The following CNBD1 variants were observed in gnomAD, a reference collection of about 807,000 sequenced individuals.
CNBD1 encodes cyclic nucleotide binding domain containing 1, also known as cyclic nucleotide-binding domain-containing protein 1.
In CNBD1, 71 loss-of-function variants were observed where a neutral mutation model predicts 54.4. The ratio of observed to expected loss-of-function variants is 1.30; its 90% CI spans 1.08 to 1.59. The LOEUF is 1.59. CNBD1 is among the 40% of genes most tolerant of loss of function. CNBD1 has a pLI of 0.00. For synonymous variants in CNBD1, 182 were observed against 170.7 expected (o/e 1.07, Z -0.51); for missense variants, 659 against 518.0 (o/e 1.27, Z -2.64).
intron 6 of CNBD1, among the ~76,000 whole-genome samples, chr8:87,265,190 A>G (rs1393995397): frequency 1.3e-5 from 2 of 152,058 alleles, no homozygotes; most frequent in Non-Finnish European, 2.9e-5. Context: ...AGGTGTAAGG[A>G]AGGGATCCAG....
chr8:87,033,548 TATAG>T (rs1809840850), intron 4 of CNBD1, among the ~76,000 whole-genome samples: 1 of 152,208 alleles, frequency 6.6e-6, no homozygotes, highest in Non-Finnish European at 1.5e-5. Flanking sequence ...TTAGCAGCTT[TATAG>T]ATAAAGGCAG....
At chr8:87,013,216 C>T (rs993699076) in intron 4 of CNBD1, among the ~76,000 whole-genome samples, 2 of 152,156 alleles carry the variant, frequency 1.3e-5, no homozygotes, top group African/African-American at 2.4e-5. Flanking sequence ...GTTAAACGTC[C>T]TTGATTTATT....
chr8:87,017,848 A>G (rs1289711341), intron 4 of CNBD1, among the ~76,000 whole-genome samples: 1 of 152,196 alleles, frequency 6.6e-6, no homozygotes, highest in Non-Finnish European at 1.5e-5. Context: ...TTGTCTGCAT[A>G]AGTTCAATAA....
intron 2 of CNBD1, among the ~76,000 whole-genome samples, chr8:87,414,488 A>G (rs183647147): frequency 0.022 from 3,360 of 152,154 alleles, 51 homozygotes; most frequent in Non-Finnish European, 0.034. Flanking sequence ...AAACCTGCAC[A>G]TTGTGCACAT....
intron 3 of CNBD1, among the ~76,000 whole-genome samples, chr8:86,924,761 A>G (rs529573068): frequency 5.9e-5 from 9 of 152,120 alleles, no homozygotes; most frequent in African/African-American, 9.7e-5. Context: ...GATTATCCCA[A>G]CTCTTTAATT....
chr8:87,364,032 A>G (rs1810582958), intron 10 of CNBD1, among the ~76,000 whole-genome samples: 1 of 151,332 alleles, frequency 6.6e-6, no homozygotes, highest in South Asian at 2.1e-4. Flanking sequence ...TTGCTGGCTC[A>G]AATGTTGTTG....
chr8:87,324,088 T>C (rs1213977111), intron 8 of CNBD1, among the ~76,000 whole-genome samples: 1 of 125,766 alleles, frequency 8.0e-6, no homozygotes, highest in East Asian at 2.0e-4. Context: ...TGGCTCTTTT[T>C]ATATGCTGGA....
At chr8:87,248,264 A>G (rs34574993) in intron 6 of CNBD1, among the ~76,000 whole-genome samples, 5 of 152,284 alleles carry the variant, frequency 3.3e-5, no homozygotes, top group African/African-American at 1.2e-4. Context: ...TATTTCATCA[A>G]TTCATCTGGT....
intron 8 of CNBD1, among the ~76,000 whole-genome samples, chr8:87,335,320 T>A (rs764982352): frequency 1.4e-4 from 22 of 152,194 alleles, no homozygotes; most frequent in Non-Finnish European, 2.8e-4. Context: ...AGTCTCCTAC[T>A]ATTACTGTGT....
chr8:86,982,127 A>G (rs1808501075), intron 4 of CNBD1, among the ~76,000 whole-genome samples: 1 of 152,110 alleles, frequency 6.6e-6, no homozygotes, highest in Non-Finnish European at 1.5e-5. Context: ...TTATTTTACT[A>G]TGGATTTAAT....
downstream of CNBD1, among the ~76,000 whole-genome samples, chr8:87,386,483 C>A (rs1029633745): frequency 1.3e-5 from 2 of 152,062 alleles, no homozygotes; most frequent in East Asian, 1.9e-4. Context: ...GCCTCAGTAG[C>A]CAATTCGATC....
chr8:86,953,607 C>G (rs1807683222), intron 4 of CNBD1, among the ~76,000 whole-genome samples: 1 of 152,180 alleles, frequency 6.6e-6, no homozygotes, highest in African/African-American at 2.4e-5. Flanking sequence ...TGGCTCATGC[C>G]TGTAATCCCA....
chr8:87,086,719 G>GA (rs1288128188), intron 4 of CNBD1, among the ~76,000 whole-genome samples: 2 of 151,904 alleles, frequency 1.3e-5, no homozygotes, highest in East Asian at 3.9e-4. Flanking sequence ...ATTATTTACT[G>GA]AAAATACAAA....
chr8:87,373,682 C>T (rs1343858350), intron 10 of CNBD1, among the ~76,000 whole-genome samples: 2 of 151,614 alleles, frequency 1.3e-5, no homozygotes, highest in Non-Finnish European at 2.9e-5. Context: ...TAGGAATTGC[C>T]AATTCAGGCC....
chr8:87,360,575 A>G (rs1348670298), intron 10 of CNBD1, among the ~76,000 whole-genome samples: 2 of 151,924 alleles, frequency 1.3e-5, no homozygotes, highest in African/African-American at 4.8e-5. Flanking sequence ...GATAATTGCA[A>G]GTCAATATAA....
At chr8:87,408,182 C>T (rs1203463520) in intron 2 of CNBD1, among the ~76,000 whole-genome samples, 1 of 152,008 alleles carries the variant, frequency 6.6e-6, no homozygotes, top group African/African-American at 2.4e-5. Flanking sequence ...CCTCCTCAAA[C>T]ATTGCTTCTG....
chr8:87,104,418 T>C lies in CNBD1; in HGVS notation c.432-101575T>C, dbSNP rs1387153664. On this transcript the variant is annotated intron_variant, in intron 4 of 10. Coordinates refer to ENST00000518476, the MANE Select transcript of CNBD1 (RefSeq NM_173538.3). Reference sequence around the variant, plus strand: ...GGATGTCAAAGACATGCATAGATAGTCTACTGAATTACTTGCTTCCAGGGA... The same window carrying C: ...GGATGTCAAAGACATGCATAGATAGCCTACTGAATTACTTGCTTCCAGGGA... Among the ~76,000 whole-genome samples the C allele has an allele frequency of 2.6e-5, 4 of 152,310 alleles. No individual in the cohort carries two copies. The East Asian group carries it at 7.7e-4, about 29-fold the overall frequency.
chr8:87,273,157 C>T (rs7826953), intron 6 of CNBD1, among the ~76,000 whole-genome samples: 42,757 of 151,542 alleles, frequency 0.28, 6,483 homozygotes, highest in African/African-American at 0.39. Context: ...AGTACAGTAA[C>T]GGCAATACAG....
chr8:87,099,062 A>G (rs915794787), intron 4 of CNBD1, among the ~76,000 whole-genome samples: 3 of 143,804 alleles, frequency 2.1e-5, no homozygotes, highest in African/African-American at 8.4e-5. Context: ...AAAAAAAAAC[A>G]AAACTCCAAA....
Sources: gnomAD v4.1 joint callset for allele counts (sites outside exome capture counted in the v4.1 genomes callset) on GRCh38, gnomAD v4.1.1 for gene constraint, MANE v1.5 for transcripts, NCBI Gene and HGNC (gene_info 2026-07-23, HGNC 2026-07-21) for gene names.